Variants in NRXN3 observed in about 807,000 individuals in gnomAD.
NRXN3 encodes neurexin 3.
A neutral mutation model predicts 137.6 loss-of-function variants in NRXN3; 32 were observed. The observed-to-expected ratio is 0.23, with a 90% CI of 0.18 to 0.31. The LOEUF (loss-of-function observed/expected upper bound fraction) is 0.31, where lower values mean the gene tolerates loss of function less well. NRXN3 is among the 10% of genes least tolerant of loss of function. NRXN3 has a pLI of 1.00. For synonymous variants in NRXN3, 798 were observed against 784.5 expected (o/e 1.02, Z -0.29); for missense variants, 1,574 against 2,062.5 (o/e 0.76, Z 4.59).
intron 15 of NRXN3, among the ~76,000 whole-genome samples, chr14:79,378,759 A>C (rs542760539): frequency 2.0e-5 from 3 of 152,178 alleles, no homozygotes; most frequent in East Asian, 3.9e-4. Flanking sequence ...TTATTTTTTG[A>C]ATGAATGGAT....
intron 10 of NRXN3, among the ~76,000 whole-genome samples, chr14:78,951,298 T>C (rs988558440): frequency 1.3e-5 from 2 of 152,182 alleles, no homozygotes; most frequent in African/African-American, 4.8e-5. Flanking sequence ...TTGAAGAGCT[T>C]TCAGGTTTGT....
intron 19 of NRXN3, among the ~76,000 whole-genome samples, chr14:79,726,716 T>C (rs1341394189): frequency 6.6e-6 from 1 of 152,218 alleles, no homozygotes; most frequent in Non-Finnish European, 1.5e-5. Flanking sequence ...TTACAAAATA[T>C]GCTGAAAGAC....
intron 19 of NRXN3, among the ~76,000 whole-genome samples, chr14:79,722,037 T>G (rs78426849): frequency 0.013 from 2,025 of 152,226 alleles, 28 homozygotes; most frequent in Non-Finnish European, 0.022. Flanking sequence ...TGTTTTATTG[T>G]TCTATAACAG....
chr14:78,527,815 G>A (rs918014121), intron 4 of NRXN3, among the ~76,000 whole-genome samples: 1 of 152,176 alleles, frequency 6.6e-6, no homozygotes, highest in African/African-American at 2.4e-5. Flanking sequence ...CTGATGACAG[G>A]ACAATATCTC....
intron 1 of NRXN3, among the ~76,000 whole-genome samples, chr14:78,238,651 A>T (rs1025822312): frequency 6.6e-6 from 1 of 152,258 alleles, no homozygotes; most frequent in African/African-American, 2.4e-5. Context: ...AAGAATGTGG[A>T]TAGACCATAG....
rs1045319440 is a variant in NRXN3, at chr14:79,864,458, A to G, written c.*2494A>G. 1 of 152,670 alleles carries G rather than the reference A, an allele frequency of 6.6e-6. No individual in the cohort carries two copies. Among genetic ancestry groups the G allele is most frequent in the African/African-American group, 2.4e-5 (1 of 41,470 alleles). 9.5% of individuals were successfully genotyped at this position (152,670 alleles called of 1,614,324 possible). On this transcript the variant is annotated 3_prime_UTR_variant, in exon 21 of 21. Coordinates refer to ENST00000335750, the MANE Select transcript of NRXN3 (RefSeq NM_001330195.2). ...TGCACTTTTATTTTCTTAACATTTG[A>G]GAAAATCTCGCACTGAAGCTAATTA...
chr14:78,686,089 C>T (rs1324896995), intron 6 of NRXN3, among the ~76,000 whole-genome samples: 1 of 152,154 alleles, frequency 6.6e-6, no homozygotes, highest in Admixed American at 6.5e-5. Context: ...TCTTTATTTG[C>T]CCCATCCCCT....
chr14:78,260,855 C>G (rs2070588764), intron 2 of NRXN3, among the ~76,000 whole-genome samples: 1 of 152,178 alleles, frequency 6.6e-6, no homozygotes, highest in South Asian at 2.1e-4. Context: ...GACTAATACA[C>G]AAGTCTTATG....
At chr14:79,806,564 G>A (rs1251593252) in intron 20 of NRXN3, among the ~76,000 whole-genome samples, 2 of 152,128 alleles carry the variant, frequency 1.3e-5, no homozygotes, top group African/African-American at 2.4e-5. Context: ...TATGTGCTAT[G>A]TGAGGTTTTA....
At chr14:79,607,717 G>C (rs561985004) in intron 16 of NRXN3, among the ~76,000 whole-genome samples, 1 of 149,224 alleles carries the variant, frequency 6.7e-6, no homozygotes, top group African/African-American at 2.5e-5. Context: ...GTGTTGCCCA[G>C]GCTGGAGTGC....
At chr14:78,823,322 C>T (rs752822430) in intron 10 of NRXN3, among the ~76,000 whole-genome samples, 5 of 152,060 alleles carry the variant, frequency 3.3e-5, no homozygotes, top group Non-Finnish European at 5.9e-5. Context: ...CTGCAATCCC[C>T]GAGGCTCTTC....
chr14:78,451,576 T>C (rs1018671182), intron 4 of NRXN3, among the ~76,000 whole-genome samples: 1 of 152,238 alleles, frequency 6.6e-6, no homozygotes, highest in Non-Finnish European at 1.5e-5. Flanking sequence ...CTTCTTTCTA[T>C]ACTCCCTTCC....
chr14:78,627,999 A>C (rs917684952), intron 4 of NRXN3, among the ~76,000 whole-genome samples: 8 of 152,208 alleles, frequency 5.3e-5, no homozygotes, highest in African/African-American at 1.9e-4. Context: ...GAGCTTTTAA[A>C]GAAATGGTGG....
chr14:78,908,945 G>T (rs540397451), intron 10 of NRXN3, among the ~76,000 whole-genome samples: 1 of 152,222 alleles, frequency 6.6e-6, no homozygotes, highest in South Asian at 2.1e-4. Context: ...ACATCCACTT[G>T]TGAAGAAAAC....
intron 10 of NRXN3, among the ~76,000 whole-genome samples, chr14:78,847,015 A>G (rs202146932): frequency 6.6e-6 from 1 of 152,090 alleles, no homozygotes; most frequent in East Asian, 1.9e-4. Context: ...GTTAATCCAT[A>G]CAGTGCACAT....
At chr14:78,574,285 C>T (rs894833363) in intron 4 of NRXN3, among the ~76,000 whole-genome samples, 13 of 152,256 alleles carry the variant, frequency 8.5e-5, no homozygotes, top group Admixed American at 8.5e-4. Context: ...ACAGAGTCCC[C>T]ACTGGGGCAC....
chr14:78,287,266 T>C (rs529952975), intron 3 of NRXN3, among the ~76,000 whole-genome samples: 3 of 152,340 alleles, frequency 2.0e-5, no homozygotes, highest in Non-Finnish European at 4.4e-5. Flanking sequence ...ATGATCTTCC[T>C]TTGAGTTCCC....
intron 14 of NRXN3, among the ~76,000 whole-genome samples, chr14:78,968,822 C>T (rs893928006): frequency 6.6e-6 from 1 of 152,142 alleles, no homozygotes; most frequent in Non-Finnish European, 1.5e-5. Context: ...AAAACGATGT[C>T]CAAATGCCAT....
intron 4 of NRXN3, among the ~76,000 whole-genome samples, chr14:78,497,992 A>G (rs1435791229): frequency 1.3e-5 from 2 of 152,144 alleles, no homozygotes; most frequent in African/African-American, 2.4e-5. Context: ...TCATCAGTTT[A>G]TTCCTTTGCA....
Sources: gnomAD v4.1 joint callset for allele counts (sites outside exome capture counted in the v4.1 genomes callset) on GRCh38, gnomAD v4.1.1 for gene constraint, MANE v1.5 for transcripts, NCBI Gene and HGNC (gene_info 2026-07-23, HGNC 2026-07-21) for gene names.